Variants in GSG1L observed in about 807,000 individuals in gnomAD.
GSG1L encodes germ cell-specific gene 1-like protein.
GSG1L carries 24 observed loss-of-function variants against 42.1 expected under a neutral mutation model. The observed-to-expected ratio is 0.57, with a 90% CI of 0.41 to 0.80. The LOEUF is 0.80. GSG1L is among the 30% of genes least tolerant of loss of function. GSG1L has a pLI of 0.00. For missense variants in GSG1L, 445 were observed against 472.2 expected, an observed-to-expected ratio of 0.94 and a Z score of 0.53; for synonymous variants, 215 against 203.5, an observed-to-expected ratio of 1.06 and a Z score of -0.48.
At chr16:27,881,939 G>T (rs1026767327) in intron 3 of GSG1L, among the ~76,000 whole-genome samples, 2 of 152,042 alleles carry the variant, frequency 1.3e-5, no homozygotes, top group Non-Finnish European at 2.9e-5. Context: ...GCAGCCTCCT[G>T]GTTGGCCTCC....
chr16:27,888,468 C>CT (rs1567505772), intron 2 of GSG1L, among the ~76,000 whole-genome samples: 1 of 37,128 alleles, frequency 2.7e-5, no homozygotes, highest in Non-Finnish European at 6.8e-5. Flanking sequence ...TTCTTTCTCT[C>CT]TCTCTCTCTC....
Position 28,040,776 on chromosome 16 carries a change from G to T in GSG1L, c.349+22300C>A, listed in dbSNP as rs1437317345. Among the ~76,000 whole-genome samples the T allele has an allele frequency of 6.6e-6, 1 of 152,194 alleles. No homozygotes were observed. Among genetic ancestry groups the T allele is most frequent in the Non-Finnish European group, 1.5e-5 (1 of 68,032 alleles). ...GAGCCCCACATGCCCGCCCCAGGCA[G>T]GGTAGTGCTGACTGGCCGCCAGGGC... On this transcript the variant is annotated intron_variant, in intron 1 of 6. Transcript: ENST00000447459. The surrounding 1 kb of genome is among the most constrained non-coding windows in gnomAD (Gnocchi z 4.1).
chr16:27,838,547 C>A (rs1377391752), intron 4 of GSG1L, among the ~76,000 whole-genome samples: 2 of 152,274 alleles, frequency 1.3e-5, no homozygotes, highest in Non-Finnish European at 2.9e-5. Context: ...GTTGTCAATT[C>A]TTCATCCCCT....
At chr16:27,851,056 G>A (rs889434386) in intron 3 of GSG1L, among the ~76,000 whole-genome samples, 16 of 152,172 alleles carry the variant, frequency 1.1e-4, no homozygotes, top group Non-Finnish European at 1.5e-4. Context: ...GCGAGAGGGC[G>A]ATTGTGGAAG....
At chr16:27,882,337 C>G (rs2083968981) in intron 3 of GSG1L, among the ~76,000 whole-genome samples, 1 of 152,160 alleles carries the variant, frequency 6.6e-6, no homozygotes, top group South Asian at 2.1e-4. Flanking sequence ...TCGGGTATGT[C>G]TTTACTAGCA....
At chr16:27,987,350 G>C (rs2085397504) in intron 1 of GSG1L, among the ~76,000 whole-genome samples, 1 of 152,106 alleles carries the variant, frequency 6.6e-6, no homozygotes, top group Admixed American at 6.6e-5. Flanking sequence ...ATCTCTGTTG[G>C]ATGTTTTAAG....
Position 27,871,471 on chromosome 16 carries a change from G to A in GSG1L, c.550+13015C>T, listed in dbSNP as rs569817441. Reference sequence around the variant, plus strand: ...AGCCTGGGCAACATGACGAAACCCCGTCTCTACAAAAAATACAAACAATAG... The same window carrying A: ...AGCCTGGGCAACATGACGAAACCCCATCTCTACAAAAAATACAAACAATAG... On this transcript the variant is annotated intron_variant, in intron 3 of 6. Coordinates refer to ENST00000447459, the MANE Select transcript of GSG1L (RefSeq NM_001109763.2). Among the ~76,000 whole-genome samples, 9 of 152,078 alleles carry A rather than the reference G, an allele frequency of 5.9e-5. 1 individual carries two copies. Among genetic ancestry groups the A allele is most frequent in the South Asian group, 2.1e-4 (1 of 4,806 alleles).
intron 3 of GSG1L, among the ~76,000 whole-genome samples, chr16:27,849,200 AAAG>A (rs1224300259): frequency 0.076 from 4,252 of 56,242 alleles, 74 homozygotes; most frequent in Non-Finnish European, 0.1. Context: ...TCTATCCCAA[AAAG>A]AAAAAAAAAA....
At chr16:28,026,093 C>A (rs1596711211) in intron 1 of GSG1L, among the ~76,000 whole-genome samples, 1 of 152,198 alleles carries the variant, frequency 6.6e-6, no homozygotes, top group Non-Finnish European at 1.5e-5. Flanking sequence ...GCCAAACGCC[C>A]AGCTAGTCCT....
At chr16:27,840,507 G>A (rs908122283) in intron 4 of GSG1L, among the ~76,000 whole-genome samples, 2 of 152,144 alleles carry the variant, frequency 1.3e-5, no homozygotes, top group Non-Finnish European at 1.5e-5. Flanking sequence ...GAGACATGGC[G>A]CCAAAAGGAG....
At chr16:27,907,909 C>T (rs563415741) in intron 2 of GSG1L, among the ~76,000 whole-genome samples, 11 of 152,354 alleles carry the variant, frequency 7.2e-5, no homozygotes, top group African/African-American at 2.6e-4. Flanking sequence ...GCTCCACAAA[C>T]TTGTCCCCTG....
chr16:27,949,842 A>T, intron 2 of GSG1L, among the ~76,000 whole-genome samples: 1 of 152,162 alleles, frequency 6.6e-6, no homozygotes, highest in East Asian at 1.9e-4. Flanking sequence ...GGCAAATGGC[A>T]TGAACCCGGG....
At chr16:27,888,505 T>G (rs1166242664) in intron 2 of GSG1L, among the ~76,000 whole-genome samples, 1 of 11,510 alleles carries the variant, frequency 8.7e-5, no homozygotes, top group African/African-American at 2.5e-4. Flanking sequence ...CTTTCTTTCT[T>G]TCTTTCTTTC....
chr16:27,853,757 C>T (rs890243760), intron 3 of GSG1L, among the ~76,000 whole-genome samples: 7 of 152,160 alleles, frequency 4.6e-5, no homozygotes, highest in Admixed American at 2.0e-4. Flanking sequence ...CAGCCTTGTT[C>T]AGCTCAGCTG....
At chr16:27,812,350 A>C (rs759659466) in intron 5 of GSG1L, among the ~76,000 whole-genome samples, 1 of 152,208 alleles carries the variant, frequency 6.6e-6, no homozygotes, top group East Asian at 1.9e-4. Context: ...GCCAATAACT[A>C]TCTAGTCCAG....
At chr16:27,826,141 A>C (rs1003228472) in intron 5 of GSG1L, among the ~76,000 whole-genome samples, 3 of 152,180 alleles carry the variant, frequency 2.0e-5, no homozygotes, top group African/African-American at 7.2e-5. Flanking sequence ...ATCCCGTGGC[A>C]CAGTAAGTAG....
At chr16:27,932,860 C>G (rs1350951716) in intron 2 of GSG1L, among the ~76,000 whole-genome samples, 1 of 152,042 alleles carries the variant, frequency 6.6e-6, no homozygotes, top group African/African-American at 2.4e-5. Flanking sequence ...TCCCCTGGTG[C>G]TGGCCCCAGT....
intron 1 of GSG1L, among the ~76,000 whole-genome samples, chr16:27,988,292 A>G (rs2085411127): frequency 6.9e-6 from 1 of 145,482 alleles, no homozygotes; most frequent in Non-Finnish European, 1.5e-5. Context: ...AAATTATGGT[A>G]ATTTAAACTA....
At chr16:27,946,539 T>C (rs929553252) in intron 2 of GSG1L, among the ~76,000 whole-genome samples, 14 of 133,548 alleles carry the variant, frequency 1.0e-4, no homozygotes, top group Non-Finnish European at 1.9e-4. Context: ...AGCAAGACTC[T>C]GTCTCAAAAA....
Sources: gnomAD v4.1 joint callset for allele counts (sites outside exome capture counted in the v4.1 genomes callset) on GRCh38, gnomAD v4.1.1 for gene constraint, Gnocchi (gnomAD v3.1) non-coding constraint, MANE v1.5 for transcripts, NCBI Gene and HGNC (gene_info 2026-07-23, HGNC 2026-07-21) for gene names.